Variants in DSCAM observed in about 807,000 individuals in gnomAD.
DSCAM encodes cell adhesion molecule DSCAM.
DSCAM carries 47 observed loss-of-function variants against 217.7 expected under a neutral mutation model. The ratio of observed to expected loss-of-function variants is 0.22; its 90% CI spans 0.17 to 0.28. The LOEUF is 0.28. DSCAM is among the 10% of genes least tolerant of loss of function. DSCAM has a pLI of 1.00. For synonymous variants in DSCAM, 1,056 were observed against 1,015.3 expected (o/e 1.04, Z -0.76); for missense variants, 2,080 against 2,618.3 (o/e 0.79, Z 4.49).
intron 3 of DSCAM, among the ~76,000 whole-genome samples, chr21:40,423,461 G>A (rs1002744038): frequency 1.3e-5 from 2 of 152,196 alleles, no homozygotes; most frequent in South Asian, 2.1e-4. Context: ...CGGGAAGCTC[G>A]TCCTAAGCGA....
At chr21:40,430,633 C>T (rs933508531) in intron 3 of DSCAM, among the ~76,000 whole-genome samples, 1 of 152,190 alleles carries the variant, frequency 6.6e-6, no homozygotes, top group Non-Finnish European at 1.5e-5. Flanking sequence ...TATATACACA[C>T]ATATCTATCC....
chr21:40,824,904 T>C (rs35495090), intron 1 of DSCAM, among the ~76,000 whole-genome samples: 14,776 of 152,242 alleles, frequency 0.097, 779 homozygotes, highest in Non-Finnish European at 0.11. Flanking sequence ...CCCCTCTCTT[T>C]GAAGCCCTTT....
chr21:40,417,553 A>G (rs1469643868), intron 3 of DSCAM, among the ~76,000 whole-genome samples: 1 of 84,232 alleles, frequency 1.2e-5, no homozygotes. Context: ...ATATTTGATG[A>G]AGAAAAATAG....
At chr21:40,525,316 G>C (rs1002396808) in intron 3 of DSCAM, among the ~76,000 whole-genome samples, 2 of 152,160 alleles carry the variant, frequency 1.3e-5, no homozygotes, top group Non-Finnish European at 2.9e-5. Context: ...AGTTTTTGGA[G>C]AATGAGGCAT....
chr21:40,138,366 G>A (rs200319948), intron 18 of DSCAM, among the ~76,000 whole-genome samples: 1 of 150,592 alleles, frequency 6.6e-6, no homozygotes, highest in Admixed American at 6.6e-5. Context: ...GTAGCATGGG[G>A]TGTGTTACAT....
At chr21:40,125,999 T>C (rs1444488799) in intron 19 of DSCAM, among the ~76,000 whole-genome samples, 4 of 152,188 alleles carry the variant, frequency 2.6e-5, no homozygotes, top group African/African-American at 9.7e-5. Flanking sequence ...ACCAGTTGAA[T>C]GGCTGCTGAA....
At chr21:40,769,971 A>G (rs2091430394) in intron 1 of DSCAM, among the ~76,000 whole-genome samples, 1 of 152,160 alleles carries the variant, frequency 6.6e-6, no homozygotes, top group African/African-American at 2.4e-5. Flanking sequence ...TGTATTTGGA[A>G]TTGTGCCCAA....
intron 3 of DSCAM, among the ~76,000 whole-genome samples, chr21:40,657,512 A>G (rs566872817): frequency 2.0e-5 from 3 of 152,290 alleles, no homozygotes; most frequent in African/African-American, 7.2e-5. Flanking sequence ...GAAATGGACC[A>G]ATTCCAGGGC....
chr21:40,708,494 A>T lies in DSCAM; in HGVS notation c.321T>A (p.Pro107=). ...DNTYYCTAEN[P]SGKIRSQDVH... ...CATCCTGACTTCTAATTTTCCCTGAAGGATTTTCAGCTGTGCAATAATAAG... is the reference window on the plus strand; with the variant it reads ...CATCCTGACTTCTAATTTTCCCTGATGGATTTTCAGCTGTGCAATAATAAG... Residue 107 remains proline, a synonymous_variant, in exon 2 of 33, where the codon CCT becomes CCA. Transcript: ENST00000400454. The T allele has an allele frequency of 6.6e-7, 1 of 1,511,426 alleles. No homozygotes were observed. 93.6% of individuals were successfully genotyped at this position (1,511,426 alleles called of 1,614,324 possible).
intron 20 of DSCAM, among the ~76,000 whole-genome samples, chr21:40,116,064 TACC>T (rs1324127866): frequency 6.6e-6 from 1 of 152,016 alleles, no homozygotes; most frequent in African/African-American, 2.4e-5. Flanking sequence ...GAAAAACAAA[TACC>T]ACATGTTCTC....
intron 19 of DSCAM, among the ~76,000 whole-genome samples, chr21:40,125,368 G>A (rs2090082846): frequency 6.6e-6 from 1 of 152,186 alleles, no homozygotes; most frequent in Admixed American, 6.5e-5. Context: ...GAAGGCATCA[G>A]AGCTCTTGCT....
rs2090244654 is a variant in DSCAM, at chr21:40,138,635, G to T, written c.3406+3923C>A. Among the ~76,000 whole-genome samples, 3 of 137,268 alleles carry T rather than the reference G, an allele frequency of 2.2e-5. No individual in the cohort carries two copies. The South Asian group carries it at 7.6e-4, about 35-fold the overall frequency. 90.1% of individuals were successfully genotyped at this position (137,268 alleles called of 152,430 possible). A position where few individuals can be genotyped will look rare whatever the true frequency, so the allele number is the denominator to read the frequency against. On this transcript the variant is annotated intron_variant, in intron 18 of 32. Coordinates refer to ENST00000400454, the MANE Select transcript of DSCAM (RefSeq NM_001389.5). The stretch of plus-strand genomic sequence containing the variant: ...TGTGGTGAGTGTGTGGTGTATGTGG[G>T]GTACGTGTGTGTGGGGGGTGTGTGT...
At chr21:40,055,243 A>T (rs1470520840) in intron 29 of DSCAM, among the ~76,000 whole-genome samples, 1 of 152,206 alleles carries the variant, frequency 6.6e-6, no homozygotes, top group East Asian at 1.9e-4. Context: ...GTGGGGGAAG[A>T]TACCCTGTAC....
At chr21:40,530,059 C>G (rs901508695) in intron 3 of DSCAM, among the ~76,000 whole-genome samples, 3 of 152,250 alleles carry the variant, frequency 2.0e-5, no homozygotes, top group East Asian at 1.9e-4. Context: ...AACTGAACAC[C>G]TTATACAATT....
intron 3 of DSCAM, among the ~76,000 whole-genome samples, chr21:40,549,665 G>A (rs2076613737): frequency 1.3e-5 from 2 of 152,206 alleles, no homozygotes; most frequent in South Asian, 2.1e-4. Context: ...GTCTCATAAG[G>A]TGTTACATTT....
At chr21:40,739,954 ATTTTTTTTTTTTTTTTTTTTTTTT>A (rs56815777) in intron 1 of DSCAM, among the ~76,000 whole-genome samples, 4 of 58,930 alleles carry the variant, frequency 6.8e-5, no homozygotes, top group Admixed American at 3.2e-4. Flanking sequence ...TGCAGGTGTA[ATTTTTTTTTTTTTTTTTTTTTTTT>A]TTTTTTTTGC....
chr21:40,732,734 T>C (rs1399302493), intron 1 of DSCAM, among the ~76,000 whole-genome samples: 1 of 152,148 alleles, frequency 6.6e-6, no homozygotes, highest in African/African-American at 2.4e-5. Flanking sequence ...TGCATACAAA[T>C]GATGAATATG....
chr21:40,403,629 G>GCGCACA (rs374617687), intron 3 of DSCAM, among the ~76,000 whole-genome samples: 11 of 145,788 alleles, frequency 7.5e-5, no homozygotes, highest in African/African-American at 2.6e-4. Flanking sequence ...GCATGCATGT[G>GCGCACA]CACACACACA....
chr21:40,125,713 C>T (rs1189043483), intron 19 of DSCAM, among the ~76,000 whole-genome samples: 1 of 152,184 alleles, frequency 6.6e-6, no homozygotes, highest in Admixed American at 6.5e-5. Context: ...AGGTAACACA[C>T]ATAAATGATA....
Sources: gnomAD v4.1 joint callset for allele counts (sites outside exome capture counted in the v4.1 genomes callset) on GRCh38, gnomAD v4.1.1 for gene constraint, MANE v1.5 for transcripts, NCBI Gene and HGNC (gene_info 2026-07-23, HGNC 2026-07-21) for gene names.